ADARB2: variants seen among roughly 807,000 people sequenced by gnomAD.
ADARB2 encodes inactive double-stranded RNA-specific editase B2.
In ADARB2, 25 loss-of-function variants were observed where a neutral mutation model predicts 62.2. The observed-to-expected ratio is 0.40, with a 90% confidence interval of 0.29 to 0.56. The LOEUF is 0.56. Ranked by LOEUF, ADARB2 falls within the 20% of genes least tolerant of loss-of-function variation. The pLI is 0.43. For synonymous variants in ADARB2, 572 were observed against 500.8 expected, an observed-to-expected ratio of 1.14 and a Z score of -1.90; for missense variants, 1,071 against 1,077.4, an observed-to-expected ratio of 0.99 and a Z score of 0.08.
intron 1 of ADARB2, among the ~76,000 whole-genome samples, chr10:1,602,270 C>T (rs756383792): frequency 1.3e-5 from 2 of 152,310 alleles, no homozygotes; most frequent in African/African-American, 2.4e-5. Context: ...AGCCGCTTCC[C>T]GAGGTTCCTT....
At chr10:1,724,478 A>G (rs1335678568) in intron 1 of ADARB2, among the ~76,000 whole-genome samples, 1 of 152,162 alleles carries the variant, frequency 6.6e-6, no homozygotes, top group African/African-American at 2.4e-5. Flanking sequence ...AAGCATCTCC[A>G]TCAGAGCCAG....
At chr10:1,280,605 T>C (rs375632111) in intron 3 of ADARB2, among the ~76,000 whole-genome samples, 186 of 130,532 alleles carry the variant, frequency 1.4e-3, no homozygotes, top group African/African-American at 5.0e-3. Context: ...TCCTGAGTGA[T>C]GCTCCGTGAA....
chr10:1,629,278 G>T (rs1341583043), intron 1 of ADARB2, among the ~76,000 whole-genome samples: 1 of 152,142 alleles, frequency 6.6e-6, no homozygotes, highest in Non-Finnish European at 1.5e-5. Flanking sequence ...GTTTCTACCT[G>T]CCAGTTTGCA....
intron 1 of ADARB2, among the ~76,000 whole-genome samples, chr10:1,435,392 G>A (rs909031310): frequency 2.6e-5 from 4 of 152,202 alleles, no homozygotes; most frequent in African/African-American, 9.7e-5. Flanking sequence ...TCTCTGCTGT[G>A]GTAAAAGACA....
chr10:1,543,074 T>C (rs1456817575), intron 1 of ADARB2, among the ~76,000 whole-genome samples: 5 of 152,384 alleles, frequency 3.3e-5, no homozygotes, highest in Admixed American at 1.3e-4. Context: ...GCGGCTTCCC[T>C]GCCTGGGTTG....
intron 1 of ADARB2, among the ~76,000 whole-genome samples, chr10:1,496,639 T>C (rs893348406): frequency 7.3e-5 from 11 of 151,640 alleles, no homozygotes; most frequent in Admixed American, 2.6e-4. Flanking sequence ...ATCATCATCA[T>C]CGTATGGTTA....
At chr10:1,223,891 G>T (rs1365099055) in intron 6 of ADARB2, among the ~76,000 whole-genome samples, 3 of 152,040 alleles carry the variant, frequency 2.0e-5, no homozygotes, top group East Asian at 1.9e-4. Flanking sequence ...TCTCTTTTTT[G>T]GTTGTGTCTC....
chr10:1,546,751 C>T (rs901194207), intron 1 of ADARB2, among the ~76,000 whole-genome samples: 5 of 152,214 alleles, frequency 3.3e-5, no homozygotes, highest in Non-Finnish European at 7.3e-5. Flanking sequence ...GCTGGGAGGT[C>T]GAAAGGCTGC....
chr10:1,430,267 T>C (rs1830766130), intron 1 of ADARB2, among the ~76,000 whole-genome samples: 1 of 152,026 alleles, frequency 6.6e-6, no homozygotes. Flanking sequence ...TGTGAATAAA[T>C]CAAGGTAGAA....
chr10:1,474,942 C>A (rs919110800), intron 1 of ADARB2, among the ~76,000 whole-genome samples: 9 of 152,172 alleles, frequency 5.9e-5, no homozygotes, highest in Non-Finnish European at 1.0e-4. Flanking sequence ...GTGACCGAGG[C>A]GGCGGCTGCC....
chr10:1,274,018 C>T (rs765438968), intron 3 of ADARB2, among the ~76,000 whole-genome samples: 152 of 152,342 alleles, frequency 1.0e-3, no homozygotes, highest in Non-Finnish European at 2.0e-3. Flanking sequence ...GGACAGGGCA[C>T]TGAAGGGCTT....
At chr10:1,616,031 C>A (rs532356011) in intron 1 of ADARB2, among the ~76,000 whole-genome samples, 36 of 152,354 alleles carry the variant, frequency 2.4e-4, no homozygotes, top group Non-Finnish European at 2.1e-4. Flanking sequence ...CAAAGTGGAT[C>A]ATCCATTTTA....
chr10:1,600,451 A>G (rs1174330428), intron 1 of ADARB2, among the ~76,000 whole-genome samples: 1 of 152,070 alleles, frequency 6.6e-6, no homozygotes, highest in Non-Finnish European at 1.5e-5. Flanking sequence ...ATCTGAGGTC[A>G]GGAGTTTGAG....
At chr10:1,304,477 G>C (rs1050935815) in intron 3 of ADARB2, among the ~76,000 whole-genome samples, 1 of 152,126 alleles carries the variant, frequency 6.6e-6, no homozygotes, top group Admixed American at 6.5e-5. Context: ...GAGACAGAAA[G>C]TCAACAAGGA....
chr10:1,634,311 T>A (rs368315211), intron 1 of ADARB2, among the ~76,000 whole-genome samples: 10 of 152,332 alleles, frequency 6.6e-5, no homozygotes, highest in Non-Finnish European at 1.3e-4. Flanking sequence ...ACAGAGGTGA[T>A]GTTTCCTAAA....
intron 3 of ADARB2, chr10:1,292,010 C>T (rs866322729): frequency 8.5e-5 from 13 of 152,364 alleles, no homozygotes; most frequent in African/African-American, 1.7e-4. Flanking sequence ...TGGGGCTGTT[C>T]GCGTCTGCCA....
chr10:1,662,366 T>C (rs2119089643), intron 1 of ADARB2, among the ~76,000 whole-genome samples: 1 of 152,280 alleles, frequency 6.6e-6, no homozygotes, highest in South Asian at 2.1e-4. Context: ...GCCAGCGCCC[T>C]GATTGAACCG....
intron 3 of ADARB2, among the ~76,000 whole-genome samples, chr10:1,319,027 A>G (rs1831771326): frequency 6.6e-6 from 1 of 152,240 alleles, no homozygotes; most frequent in Admixed American, 6.5e-5. Flanking sequence ...AAAAGATTCA[A>G]GGAGCTCAGA....
chr10:1,385,373 A>C (rs1179605099), intron 1 of ADARB2, among the ~76,000 whole-genome samples: 2 of 152,330 alleles, frequency 1.3e-5, no homozygotes, highest in African/African-American at 4.8e-5. Flanking sequence ...TGTTAGAAAT[A>C]TTTTTAAGAA....
Sources: allele counts gnomAD v4.1 joint callset (sites outside exome capture counted in the v4.1 genomes callset), GRCh38; gene constraint gnomAD v4.1.1; transcripts MANE v1.5; gene names NCBI Gene and HGNC (gene_info 2026-07-23, HGNC 2026-07-21).